GRIA2: variants seen among roughly 807,000 people sequenced by gnomAD.
GRIA2 encodes glutamate ionotropic receptor AMPA type subunit 2, also known as glutamate receptor 2.
GRIA2 carries 14 observed loss-of-function variants against 97.3 expected under a neutral mutation model. That is an observed-to-expected ratio of 0.14 (90% CI 0.10 to 0.23). The LOEUF is 0.23. Ranked by LOEUF, GRIA2 falls within the 10% of genes least tolerant of loss-of-function variation. The pLI is 1.00. For missense variants in GRIA2, 558 were observed against 1,069.8 expected, an observed-to-expected ratio of 0.52 and a Z score of 6.67; for synonymous variants, 412 against 387.8, an observed-to-expected ratio of 1.06 and a Z score of -0.73.
chr4:157,355,786 T>G, intron 12 of GRIA2, among the ~76,000 whole-genome samples: 1 of 92,596 alleles, frequency 1.1e-5, no homozygotes, highest in African/African-American at 3.9e-5. Context: ...TATATTTATA[T>G]ATATTAGTTA....
chr4:157,251,631 G>A (rs1036247967), intron 2 of GRIA2, among the ~76,000 whole-genome samples: 5 of 152,054 alleles, frequency 3.3e-5, no homozygotes, highest in Non-Finnish European at 7.4e-5. Context: ...TGAATAGATT[G>A]CAAAACCAAT....
At chr4:157,278,587 A>C (rs1237385160) in intron 2 of GRIA2, among the ~76,000 whole-genome samples, 2 of 152,028 alleles carry the variant, frequency 1.3e-5, no homozygotes, top group Non-Finnish European at 2.9e-5. Flanking sequence ...TAGAACACCA[A>C]AGGCACAGTC....
intron 12 of GRIA2, among the ~76,000 whole-genome samples, chr4:157,358,017 A>G (rs1394425087): frequency 2.6e-5 from 4 of 152,132 alleles, no homozygotes; most frequent in Admixed American, 2.6e-4. Flanking sequence ...ATTTGATAAA[A>G]TAATTGTGTC....
At chr4:157,354,905 G>A (rs1016129192) in intron 12 of GRIA2, among the ~76,000 whole-genome samples, 3 of 152,040 alleles carry the variant, frequency 2.0e-5, no homozygotes, top group African/African-American at 7.2e-5. Context: ...CTTCCCCCCT[G>A]GGAACTATTT....
At chr4:157,339,841 T>C (rs562804256) in intron 11 of GRIA2, among the ~76,000 whole-genome samples, 4 of 152,064 alleles carry the variant, frequency 2.6e-5, no homozygotes, top group African/African-American at 9.6e-5. Flanking sequence ...TGATTTTGTC[T>C]ACATAAGGCA....
At chr4:157,351,666 A>T (rs1035747495) in intron 12 of GRIA2, among the ~76,000 whole-genome samples, 3 of 152,116 alleles carry the variant, frequency 2.0e-5, no homozygotes, top group African/African-American at 7.2e-5. Context: ...CATAATCCCC[A>T]TGTGTCAAGG....
chr4:157,335,627 AAC>A, intron 9 of GRIA2, 42 bp from the exon 10 acceptor site: 1 of 1,156,896 alleles, frequency 8.6e-7, no homozygotes, highest in Non-Finnish European at 1.3e-6. Context: ...GTACATAATT[AAC>A]ACAGATATTT....
At position 157,364,110 on chromosome 4, in the gene GRIA2, A is replaced by G. The variant is rs1736768237; in HGVS notation, c.*679A>G. 6.6e-6 allele frequency: 1 copy of G among 152,556 alleles called. No individual in the cohort carries two copies. The highest frequency in any genetic ancestry group is 1.5e-5 in the Non-Finnish European group (1 of 67,998). The allele number at this position is 152,556 out of a possible 1,614,324, so 9.5% of individuals were successfully genotyped here. ...AAAAAAGGCTTTAGGTATCGATTCC[A>G]TATTTTTCAAAGCCAAATATGTAAA... On this transcript the variant is annotated 3_prime_UTR_variant, in exon 16 of 16. Transcript: ENST00000264426.
intron 8 of GRIA2, among the ~76,000 whole-genome samples, chr4:157,333,621 G>A (rs752840425): frequency 1.3e-5 from 2 of 151,944 alleles, no homozygotes; most frequent in Non-Finnish European, 2.9e-5. Context: ...AAAAGAGAAA[G>A]AATTATTGTT....
intron 5 of GRIA2, among the ~76,000 whole-genome samples, chr4:157,319,311 T>C (rs986116153): frequency 6.6e-6 from 1 of 152,218 alleles, no homozygotes; most frequent in Non-Finnish European, 1.5e-5. Flanking sequence ...GAGAAGATTA[T>C]ATTTGAACAT....
rs369700528 is a variant in GRIA2 at position 157,250,600 on chromosome 4, T to C, written c.229+28793T>C. On this transcript the variant is annotated intron_variant, in intron 2 of 15. Coordinates refer to ENST00000264426, the MANE Select transcript of GRIA2 (RefSeq NM_001083619.3). The stretch of plus-strand genomic sequence containing the variant: ...CTACCTACTTTTAAAGTTCACGAGA[T>C]ACAGATCTATATAGATGACAAAGGT... 1.4e-4 allele frequency among the ~76,000 whole-genome samples: 22 copies of C among 152,136 alleles called. No homozygotes were observed. In the East Asian group the frequency reaches 3.3e-3, roughly 23 times the overall value.
At chr4:157,300,541 C>T (rs927729939) in intron 2 of GRIA2, among the ~76,000 whole-genome samples, 4 of 151,750 alleles carry the variant, frequency 2.6e-5, no homozygotes, top group Non-Finnish European at 4.4e-5. Context: ...CACTGTTGGC[C>T]GAATGGCTGT....
At chr4:157,302,200 C>T (rs1307958546) in intron 2 of GRIA2, among the ~76,000 whole-genome samples, 1 of 149,432 alleles carries the variant, frequency 6.7e-6, no homozygotes, top group Admixed American at 6.7e-5. Flanking sequence ...AAAAAAGACA[C>T]ATATTTGACT....
intron 6 of GRIA2, among the ~76,000 whole-genome samples, chr4:157,321,931 C>T (rs1276548132): frequency 6.6e-6 from 1 of 151,686 alleles, no homozygotes; most frequent in African/African-American, 2.4e-5. Context: ...GGATAATGTC[C>T]CTGCTCACAG....
chr4:157,330,244 C>T (rs1019624369), intron 6 of GRIA2, among the ~76,000 whole-genome samples: 1 of 151,930 alleles, frequency 6.6e-6, no homozygotes, highest in African/African-American at 2.4e-5. Flanking sequence ...AAAATCTGGA[C>T]TTGAGCCTTG....
intron 15 of GRIA2, 97 bp from the exon 16 acceptor site, chr4:157,363,338 T>C: frequency 1.3e-6 from 1 of 775,658 alleles, no homozygotes; most frequent in Non-Finnish European, 1.8e-6. Flanking sequence ...CAGATAGAAG[T>C]AAACTTTTCA....
Position 157,362,954 on chromosome 4 carries a change from T to C in GRIA2, c.2562T>C (p.Asn854=). Residue 854 remains asparagine, a synonymous_variant, in exon 15 of 16, where the codon AAT becomes AAC. Coordinates refer to ENST00000264426, the MANE Select transcript of GRIA2 (RefSeq NM_001083619.3). ...TGAAGGTGGCAAAGAATGCACAGAA[T>C]ATTAACCCATCTTCCTCGCAGAATT... ...KRMKVAKNAQ[N]INPSSSQNSQ... 1 of 1,613,590 alleles carries C rather than the reference T, an allele frequency of 6.2e-7. No individual in the cohort carries two copies. The highest frequency in any genetic ancestry group is 8.5e-7 in the Non-Finnish European group (1 of 1,179,626).
intron 2 of GRIA2, among the ~76,000 whole-genome samples, chr4:157,299,786 G>T (rs1259501644): frequency 6.6e-6 from 1 of 152,176 alleles, no homozygotes; most frequent in Non-Finnish European, 1.5e-5. Flanking sequence ...GTTTCTCAAA[G>T]TTGATATTAA....
At chr4:157,311,327 A>G (rs1734071805) in intron 3 of GRIA2, among the ~76,000 whole-genome samples, 1 of 152,014 alleles carries the variant, frequency 6.6e-6, no homozygotes, top group African/African-American at 2.4e-5. Context: ...TATTATTCTA[A>G]TTAATATTCA....
Sources: gnomAD v4.1 joint callset for allele counts (sites outside exome capture counted in the v4.1 genomes callset) on GRCh38, gnomAD v4.1.1 for gene constraint, MANE v1.5 for transcripts, NCBI Gene and HGNC (gene_info 2026-07-23, HGNC 2026-07-21) for gene names.